PRMT8: variants seen among roughly 807,000 people sequenced by gnomAD.
PRMT8 encodes protein arginine N-methyltransferase 8.
A neutral mutation model predicts 47.1 loss-of-function variants in PRMT8; 7 were observed. That is an observed-to-expected ratio of 0.15 (90% CI 0.08 to 0.28). PRMT8 has a LOEUF of 0.28. PRMT8 is among the 10% of genes least tolerant of loss of function. The probability of loss-of-function intolerance (pLI) is 1.00; values close to 1 mark genes in which losing one functional copy is unlikely to be tolerated. For synonymous variants in PRMT8, 188 were observed against 186.5 expected, an observed-to-expected ratio of 1.01 and a Z score of -0.07; for missense variants, 237 against 505.4, an observed-to-expected ratio of 0.47 and a Z score of 5.09.
At chr12:3,479,223 A>G (rs1343479386) in intron 1 of PRMT8, among the ~76,000 whole-genome samples, 1 of 152,234 alleles carries the variant, frequency 6.6e-6, no homozygotes, top group Non-Finnish European at 1.5e-5. Context: ...TAATGTTCCC[A>G]GGACAGGTTC....
intron 1 of PRMT8, among the ~76,000 whole-genome samples, chr12:3,448,632 C>G (rs769822991): frequency 6.6e-6 from 1 of 152,034 alleles, no homozygotes; most frequent in Non-Finnish European, 1.5e-5. Context: ...CTTTGATAAC[C>G]AAAAAGTCGC....
intron 8 of PRMT8, among the ~76,000 whole-genome samples, chr12:3,589,956 G>A (rs1867263799): frequency 1.3e-5 from 2 of 151,804 alleles, no homozygotes; most frequent in Non-Finnish European, 2.9e-5. Flanking sequence ...GGGCGAGAGT[G>A]CTGTCAGTCA....
chr12:3,540,799 G>T lies in PRMT8; in HGVS notation c.261+8G>T, dbSNP rs1457851002. 1.9e-6 allele frequency: 3 copies of T among 1,612,242 alleles called. No individual in the cohort carries two copies. Among genetic ancestry groups the T allele is most frequent in the Non-Finnish European group, 1.7e-6 (2 of 1,178,882 alleles). ...CACTTTGGGATCCACGAGGTAAAGT[G>T]TCCCGAGTGGGTGGCTAATGGGGCG... is the stretch of plus-strand genomic sequence containing the variant. On this transcript the variant is annotated splice_region_variant and intron_variant, in intron 2 of 9. Transcript: ENST00000382622.
intron 2 of PRMT8, among the ~76,000 whole-genome samples, chr12:3,547,568 C>T (rs10848878): frequency 0.13 from 19,756 of 152,010 alleles, 1,406 homozygotes; most frequent in Middle Eastern, 0.16. Flanking sequence ...ACTTGAGCCC[C>T]GGCATTCAAG....
At chr12:3,540,425 G>A (rs1301072528) in intron 1 of PRMT8, among the ~76,000 whole-genome samples, 181 bp from the exon 2 acceptor site, 1 of 151,842 alleles carries the variant, frequency 6.6e-6, no homozygotes, top group Non-Finnish European at 1.5e-5. Flanking sequence ...TCTCTGGACA[G>A]ATCACAGCCA....
At chr12:3,518,201 G>A (rs1005506667) in intron 1 of PRMT8, among the ~76,000 whole-genome samples, 1 of 152,110 alleles carries the variant, frequency 6.6e-6, no homozygotes, top group Non-Finnish European at 1.5e-5. Context: ...TCAAGAAGAA[G>A]CTAAACCCAA....
rs746670161 is a variant in PRMT8 at position 3,557,581 on chromosome 12, G to A, written c.481+3867G>A. 4.6e-5 allele frequency among the ~76,000 whole-genome samples: 7 copies of A among 152,250 alleles called. No homozygotes were observed. Among genetic ancestry groups the A allele is most frequent in the Admixed American group, 6.5e-5 (1 of 15,296 alleles). On this transcript the variant is annotated intron_variant, in intron 4 of 9. Transcript: ENST00000382622. The surrounding 1 kb of genome is among the most constrained non-coding windows in gnomAD (Gnocchi z 4.7). ...CCCTCCTCAGAGAAGTGCTTGACCCGGGCTCCCTATCTGCTTACTAAAGAC... is the reference window on the plus strand; with the variant it reads ...CCCTCCTCAGAGAAGTGCTTGACCCAGGCTCCCTATCTGCTTACTAAAGAC...
At chr12:3,466,605 G>A (rs1264249490) in intron 1 of PRMT8, among the ~76,000 whole-genome samples, 2 of 152,120 alleles carry the variant, frequency 1.3e-5, no homozygotes, top group Non-Finnish European at 2.9e-5. Context: ...GGCTAAATGG[G>A]TTCTTTTTGT....
At position 3,557,702 on chromosome 12, in the gene PRMT8, T is replaced by C. The variant is rs565757347; in HGVS notation, c.481+3988T>C. On this transcript the variant is annotated intron_variant, in intron 4 of 9. Coordinates refer to ENST00000382622, the MANE Select transcript of PRMT8 (RefSeq NM_019854.5). This position sits in a 1 kb window ranked among gnomAD's most constrained non-coding sequence, Gnocchi z 4.7. The stretch of plus-strand genomic sequence containing the variant: ...GAAATAGGGCAGATGGTTTTCCCCA[T>C]TAACAGGTGTGGAAACTGAGGCTAG... Among the ~76,000 whole-genome samples the C allele has an allele frequency of 2.6e-5, 4 of 152,266 alleles. No homozygotes were observed. Among genetic ancestry groups the C allele is most frequent in the African/African-American group, 9.6e-5 (4 of 41,568 alleles).
chr12:3,491,715 G>C lies in PRMT8; in HGVS notation c.75+15G>C, dbSNP rs754466983. 1.2e-6 allele frequency: 2 copies of C among 1,602,310 alleles called. No individual in the cohort carries two copies. The highest frequency in any genetic ancestry group is 4.5e-5 in the East Asian group (2 of 44,538). ...AGAGCACCGAGGTAAGGAGGCGAGCGAGCAGGGGCTCTCGGAGACCCCGCC... is the reference window on the plus strand; with the variant it reads ...AGAGCACCGAGGTAAGGAGGCGAGCCAGCAGGGGCTCTCGGAGACCCCGCC... On this transcript the variant is annotated intron_variant, in intron 1 of 9. Coordinates refer to ENST00000382622, the MANE Select transcript of PRMT8 (RefSeq NM_019854.5).
intron 1 of PRMT8, among the ~76,000 whole-genome samples, chr12:3,428,784 C>T (rs1864637269): frequency 6.6e-6 from 1 of 151,544 alleles, no homozygotes; most frequent in South Asian, 2.1e-4. Flanking sequence ...CTCTCTCTCT[C>T]TTACCTTGAC....
At chr12:3,455,237 T>G (rs903161554) in intron 1 of PRMT8, among the ~76,000 whole-genome samples, 1 of 152,198 alleles carries the variant, frequency 6.6e-6, no homozygotes, top group Non-Finnish European at 1.5e-5. Context: ...TCCTGTGCAG[T>G]GGGCATACGA....
intron 1 of PRMT8, among the ~76,000 whole-genome samples, chr12:3,407,866 C>A (rs543983376): frequency 6.6e-6 from 1 of 151,496 alleles, no homozygotes; most frequent in Non-Finnish European, 1.5e-5. Flanking sequence ...TCTTCAAGTT[C>A]GCAAATTCTT....
At chr12:3,553,753 G>A in intron 4 of PRMT8, 39 bp downstream of exon 4, 2 of 1,515,506 alleles carry the variant, frequency 1.3e-6, no homozygotes, top group Non-Finnish European at 1.8e-6. Flanking sequence ...TGGATGGAGG[G>A]GACGGGAAGC....
intron 1 of PRMT8, among the ~76,000 whole-genome samples, chr12:3,385,567 T>G (rs1333139662): frequency 3.0e-5 from 2 of 66,124 alleles, no homozygotes; most frequent in African/African-American, 4.2e-5. Context: ...AGAAAACTCC[T>G]TATTAGATCA....
At position 3,550,063 on chromosome 12, in the gene PRMT8, C is replaced by T; in HGVS notation, c.389C>T (p.Ala130Val). The change falls in exon 3 of 10, where the codon GCC becomes GTC. Residue 130 changes from alanine (A) to valine (V), a missense_variant. Physicochemically the swap from Ala to Val is moderately conservative, Grantham distance 64. Transcript: ENST00000382622. This position sits in a 1 kb window ranked among gnomAD's most constrained non-coding sequence, Gnocchi z 5.1. The part of the protein sequence containing the change: ...SGTGILSMFA[A>V]KAGAKKVFGI... ...ACTGGGATCCTTTCCATGTTCGCTG[C>T]CAAGGCAGGGGCCAAGAAGGTGTTT... The T allele has an allele frequency of 6.2e-7, 1 of 1,614,196 alleles. No homozygotes were observed. Among genetic ancestry groups the T allele is most frequent in the Non-Finnish European group, 8.5e-7 (1 of 1,180,034 alleles).
rs917601 is a variant in PRMT8 at position 3,570,613 on chromosome 12, T to A, written c.712+1049T>A. 0.14 allele frequency among the ~76,000 whole-genome samples: 21,270 copies of A among 152,240 alleles called. 1,602 individuals are homozygous for A. Among genetic ancestry groups the A allele is most frequent in the East Asian group, 0.26 (1,359 of 5,178 alleles). ...ACTCCATCCACAGTTCAACAAATTG[T>A]GGCTCTGTGGATTTAAACAATTGCC... is the stretch of plus-strand genomic sequence containing the variant. On this transcript the variant is annotated intron_variant, in intron 6 of 9. Coordinates refer to ENST00000382622, the MANE Select transcript of PRMT8 (RefSeq NM_019854.5). The surrounding 1 kb of genome is among the most constrained non-coding windows in gnomAD (Gnocchi z 5.5).
intron 2 of PRMT8, among the ~76,000 whole-genome samples, chr12:3,543,338 C>T (rs1163080974): frequency 6.6e-6 from 1 of 152,196 alleles, no homozygotes; most frequent in Non-Finnish European, 1.5e-5. Flanking sequence ...CACCATTCTT[C>T]GCAGAGAGAA....
chr12:3,567,024 G>T (rs1866731965), intron 4 of PRMT8, among the ~76,000 whole-genome samples: 1 of 152,194 alleles, frequency 6.6e-6, no homozygotes, highest in South Asian at 2.1e-4. Flanking sequence ...ACTAAGAAGT[G>T]TCTCCTCCCA....
Sources: gnomAD v4.1 joint callset for allele counts (sites outside exome capture counted in the v4.1 genomes callset) on GRCh38, gnomAD v4.1.1 for gene constraint, Gnocchi (gnomAD v3.1) non-coding constraint, MANE v1.5 for transcripts, NCBI Gene and HGNC (gene_info 2026-07-23, HGNC 2026-07-21) for gene names.